The following BTBD16 variants were observed in gnomAD, a reference collection of about 807,000 sequenced individuals.
The protein encoded by BTBD16 is BTB domain containing 16, also known as BTB/POZ domain-containing protein 16.
Under a neutral mutation model 67.4 loss-of-function variants are expected in BTBD16, and 66 were observed. The ratio of observed to expected loss-of-function variants is 0.98; its 90% CI spans 0.80 to 1.20. The LOEUF is 1.20. Among genes scored for constraint, BTBD16 ranks in the 50% most tolerant of loss-of-function variants. The pLI, the probability that BTBD16 is intolerant of heterozygous loss-of-function variation, is 0.00. For synonymous variants in BTBD16, 242 were observed against 236.4 expected (o/e 1.02, Z -0.22); for missense variants, 634 against 616.0 (o/e 1.03, Z -0.31).
chr10:122,272,410 T>G (rs1249488361), intron 1 of BTBD16, among the ~76,000 whole-genome samples: 1 of 152,192 alleles, frequency 6.6e-6, no homozygotes, highest in East Asian at 1.9e-4. Flanking sequence ...GGTGAGAGTT[T>G]GGCTCACTGC....
intron 9 of BTBD16, among the ~76,000 whole-genome samples, chr10:122,302,538 G>A (rs918626804): frequency 6.6e-6 from 1 of 152,206 alleles, no homozygotes; most frequent in Non-Finnish European, 1.5e-5. Context: ...AACCCGAGAA[G>A]TCTCGAGGTC....
intron 2 of BTBD16, 53 bp from the exon 3 acceptor site, chr10:122,276,738 T>C: frequency 6.3e-7 from 1 of 1,589,428 alleles, no homozygotes; most frequent in East Asian, 2.2e-5. Flanking sequence ...AAATCTGGCA[T>C]TTATGTGAAG....
chr10:122,335,183 G>A lies in BTBD16; in HGVS notation c.1263+204G>A, dbSNP rs78902669. Among the ~76,000 whole-genome samples, 97 of 152,286 alleles carry A rather than the reference G, an allele frequency of 6.4e-4. 3 individuals are homozygous for A. In the East Asian group the frequency reaches 0.018, roughly 28 times the overall value. On this transcript the variant is annotated intron_variant, in intron 14 of 15. Transcript: ENST00000260723. ...AGTAGGTATTGGTAGCCCATTTAGC[G>A]GATGAGGATCTGAAAACTGAGCGTC...
Position 122,329,652 on chromosome 10 carries a change from C to A in BTBD16, c.1003+81C>A, listed in dbSNP as rs1425148734. On this transcript the variant is annotated intron_variant, in intron 11 of 15. Coordinates refer to ENST00000260723, the MANE Select transcript of BTBD16 (RefSeq NM_144587.5). The stretch of plus-strand genomic sequence containing the variant: ...CCCCCCAGCCACTGCCGGGGGAGCC[C>A]CACCTGATGTTTCCAAGGGAATCAC... The A allele has an allele frequency of 4.2e-6, 5 of 1,178,414 alleles. No homozygotes were observed. The African/African-American group carries it at 6.0e-5, about 14-fold the overall frequency. 73.0% of individuals were successfully genotyped at this position (1,178,414 alleles called of 1,614,324 possible).
At chr10:122,271,934 G>A (rs115747509) in intron 1 of BTBD16, among the ~76,000 whole-genome samples, 23 of 152,138 alleles carry the variant, frequency 1.5e-4, no homozygotes, top group Admixed American at 3.3e-4. Flanking sequence ...AGCGAGTCCC[G>A]TGTGGGGTTT....
At chr10:122,297,253 T>G (rs1003664006) in intron 7 of BTBD16, among the ~76,000 whole-genome samples, 1 of 152,206 alleles carries the variant, frequency 6.6e-6, no homozygotes, top group Non-Finnish European at 1.5e-5. Context: ...ACACGGTATG[T>G]GTTCAATGAA....
intron 10 of BTBD16, chr10:122,327,594 G>T: frequency 1.0e-6 from 1 of 985,430 alleles, no homozygotes; most frequent in South Asian, 4.7e-5. Context: ...TTGGTTGGAT[G>T]ATGAGATGAC....
At position 122,289,906 on chromosome 10, in the gene BTBD16, T is replaced by G; in HGVS notation, c.386-3T>G. ...GCCATCATCATCTCATTTCCTTTAC[T>G]AGCTCAATCACCTAAGAAGACCAAA... On this transcript the variant is annotated splice_region_variant and splice_polypyrimidine_tract_variant and intron_variant, in intron 5 of 15. Transcript: ENST00000260723. 2 of 1,612,422 alleles carry G rather than the reference T, an allele frequency of 1.2e-6. No homozygotes were observed. The highest frequency in any genetic ancestry group is 1.7e-6 in the Non-Finnish European group (2 of 1,178,834).
At chr10:122,287,840 C>T (rs561630332) in intron 5 of BTBD16, among the ~76,000 whole-genome samples, 83 of 152,234 alleles carry the variant, frequency 5.5e-4, no homozygotes, top group Non-Finnish European at 9.9e-4. Flanking sequence ...TATTCTCTAG[C>T]GTGGAATCCA....
chr10:122,329,350 G>C, intron 10 of BTBD16, 130 bp from the exon 11 acceptor site: 1 of 767,916 alleles, frequency 1.3e-6, no homozygotes, highest in South Asian at 1.7e-5. Context: ...CCCCTCCAGA[G>C]GGACCGAGGC....
At chr10:122,277,917 A>G (rs538132426) in intron 3 of BTBD16, among the ~76,000 whole-genome samples, 1 of 152,294 alleles carries the variant, frequency 6.6e-6, no homozygotes, top group African/African-American at 2.4e-5. Context: ...TGATGCCGTT[A>G]CCATCCTTAG....
intron 7 of BTBD16, among the ~76,000 whole-genome samples, chr10:122,296,837 G>GGA (rs1359027598): frequency 6.6e-6 from 1 of 152,200 alleles, no homozygotes; most frequent in Non-Finnish European, 1.5e-5. Context: ...AGTCAAAGAG[G>GGA]GAGAGAGAGG....
In BTBD16 at chr10:122,283,222, G is replaced by A. The variant is rs548643028; in HGVS notation, c.168-629G>A. ...GGGAGACTTTGGCAGTGACTGGAGG[G>A]AGATCACAGGGGCTTAGACGAAGGC... On this transcript the variant is annotated intron_variant, in intron 3 of 15. Coordinates refer to ENST00000260723, the MANE Select transcript of BTBD16 (RefSeq NM_144587.5). 2.6e-5 allele frequency among the ~76,000 whole-genome samples: 4 copies of A among 152,370 alleles called. No homozygotes were observed. In the South Asian group the frequency reaches 8.3e-4, roughly 32 times the overall value.
At position 122,334,673 on chromosome 10, in the gene BTBD16, ATT is replaced by A. The variant is rs66947410; in HGVS notation, c.1165-190_1165-189del. Among the ~76,000 whole-genome samples the A allele has an allele frequency of 6.9e-3, 790 of 115,186 alleles. 6 individuals are homozygous for A. The highest frequency in any genetic ancestry group is 0.015 in the Middle Eastern group (3 of 200). The allele number at this position is 115,186 out of a possible 152,430, so 75.6% of individuals were successfully genotyped here. On this transcript the variant is annotated intron_variant, in intron 13 of 15. Transcript: ENST00000260723. ...AGGCACGCACCACCACGCCTGGCTA[ATT>A]TTTTTTTTTTTTTTTTTGGTATTTT...
chr10:122,293,798 C>T (rs548080494), intron 7 of BTBD16, among the ~76,000 whole-genome samples: 74 of 152,296 alleles, frequency 4.9e-4, no homozygotes, highest in African/African-American at 1.7e-3. Context: ...TATCTCTGAC[C>T]TGAATGCTGG....
intron 13 of BTBD16, chr10:122,332,921 G>A: frequency 1.0e-6 from 1 of 985,302 alleles, no homozygotes. Context: ...GCTTATAGGG[G>A]TGAACTCAGT....
In BTBD16 at chr10:122,275,100, G is replaced by A; in HGVS notation, c.18+1G>A. On this transcript the variant is annotated splice_donor_variant, in intron 2 of 15. Coordinates refer to ENST00000260723, the MANE Select transcript of BTBD16 (RefSeq NM_144587.5). LOFTEE classifies it high-confidence loss of function. The stretch of plus-strand genomic sequence containing the variant: ...TTCATTCATGATAATGTCGAACACG[G>A]TGAGTAGATCAGTTTCTCAAGAAGG... 1 of 1,613,752 alleles carries A rather than the reference G, an allele frequency of 6.2e-7. No homozygotes were observed. Among genetic ancestry groups the A allele is most frequent in the Non-Finnish European group, 8.5e-7 (1 of 1,179,742 alleles).
intron 9 of BTBD16, among the ~76,000 whole-genome samples, chr10:122,301,445 A>C (rs2142083666): frequency 6.6e-6 from 1 of 152,230 alleles, no homozygotes; most frequent in South Asian, 2.1e-4. Flanking sequence ...AGCTGTCTGC[A>C]CAGACAGTCC....
At chr10:122,290,966 C>T (rs2096372805) in intron 6 of BTBD16, 114 bp from the exon 7 acceptor site, 2 of 1,397,702 alleles carry the variant, frequency 1.4e-6, no homozygotes, top group Non-Finnish European at 1.9e-6. Context: ...AGAGGTGGCG[C>T]ATTTTCTCTA....
Sources: allele counts gnomAD v4.1 joint callset (sites outside exome capture counted in the v4.1 genomes callset), GRCh38; gene constraint gnomAD v4.1.1; transcripts MANE v1.5; gene names NCBI Gene and HGNC (gene_info 2026-07-23, HGNC 2026-07-21).